CLIC5: variants seen among roughly 807,000 people sequenced by gnomAD.
CLIC5 encodes CLIC family member 5.
In CLIC5, 20 loss-of-function variants were observed where a neutral mutation model predicts 24.7. That is an observed-to-expected ratio of 0.81 (90% CI 0.57 to 1.18). The LOEUF (loss-of-function observed/expected upper bound fraction) is 1.18. CLIC5 is among the 50% of genes most tolerant of loss of function. The pLI is 0.00. For missense variants in CLIC5, 341 were observed against 326.1 expected (o/e 1.05, Z -0.35); for synonymous variants, 159 against 135.6 (o/e 1.17, Z -1.20).
At chr6:46,051,738 C>T (rs1768107828) in intron 1 of CLIC5, among the ~76,000 whole-genome samples, 1 of 152,164 alleles carries the variant, frequency 6.6e-6, no homozygotes, top group South Asian at 2.1e-4. Context: ...AATACCATCT[C>T]ATATATTTTA....
At chr6:45,970,720 T>A (rs1435045481) in intron 1 of CLIC5, among the ~76,000 whole-genome samples, 1 of 152,200 alleles carries the variant, frequency 6.6e-6, no homozygotes, top group Non-Finnish European at 1.5e-5. Flanking sequence ...CCACCCTGCT[T>A]TTCTGCCTGA....
At chr6:46,063,087 A>G (rs1362802398) in intron 1 of CLIC5, among the ~76,000 whole-genome samples, 1 of 152,258 alleles carries the variant, frequency 6.6e-6, no homozygotes, top group Non-Finnish European at 1.5e-5. Context: ...GAATGGAAAC[A>G]AGGGTCAGAA....
At position 46,065,362 on chromosome 6, in the gene CLIC5, A is replaced by T. The variant is rs528620300; in HGVS notation, c.540+14341T>A. On this transcript the variant is annotated intron_variant, in intron 1 of 5. Transcript: ENST00000185206. ...ATTTTCAAGGTTTTTTTTTTTTTTT[A>T]AAAAAAAGGTTAAACATTCACTAAC... Among the ~76,000 whole-genome samples, 791 of 143,652 alleles carry T rather than the reference A, an allele frequency of 5.5e-3. 9 individuals carry two copies. Among genetic ancestry groups the T allele is most frequent in the African/African-American group, 0.017 (621 of 35,866 alleles). The allele number at this position is 143,652 out of a possible 152,430, so 94.2% of individuals were successfully genotyped here.
chr6:46,069,654 A>T (rs893923121), intron 1 of CLIC5, among the ~76,000 whole-genome samples: 1 of 152,158 alleles, frequency 6.6e-6, no homozygotes, highest in Non-Finnish European at 1.5e-5. Flanking sequence ...TACAAAGAAG[A>T]GCTGGTACCA....
chr6:45,924,499 G>A (rs546413937), intron 4 of CLIC5, among the ~76,000 whole-genome samples: 1 of 152,234 alleles, frequency 6.6e-6, no homozygotes, highest in African/African-American at 2.4e-5. Context: ...CATGAGTCTT[G>A]CATCTCCTAA....
intron 4 of CLIC5, chr6:45,918,958 G>A: frequency 1.0e-6 from 1 of 985,404 alleles, no homozygotes; most frequent in Non-Finnish European, 1.2e-6. Context: ...GCTTATGCAA[G>A]CACACACATA....
At chr6:45,922,579 A>G (rs1763305274) in intron 4 of CLIC5, among the ~76,000 whole-genome samples, 3 of 152,210 alleles carry the variant, frequency 2.0e-5, no homozygotes, top group Non-Finnish European at 4.4e-5. Context: ...AAACACCAGC[A>G]TGGTAAACAT....
chr6:45,920,083 C>G, intron 4 of CLIC5: 1 of 804,074 alleles, frequency 1.2e-6, no homozygotes, highest in African/African-American at 1.8e-5. Flanking sequence ...ATTCCCCTGA[C>G]AAAAGAGGAT....
chr6:45,927,975 G>C (rs1763567375), intron 4 of CLIC5, among the ~76,000 whole-genome samples: 1 of 152,154 alleles, frequency 6.6e-6, no homozygotes, highest in South Asian at 2.1e-4. Flanking sequence ...GCTAACAAGA[G>C]GAATGAAAAG....
rs1762883511 is a variant in CLIC5 at position 46,080,051 on chromosome 6, A to T, written c.192T>A (p.Ile64=). 9 of 1,551,672 alleles carry T rather than the reference A, an allele frequency of 5.8e-6. No individual in the cohort carries two copies. Among genetic ancestry groups the T allele is most frequent in the Non-Finnish European group, 7.0e-6 (8 of 1,146,952 alleles). ...AGGCCAAGCTGGTCTCTTCACCCTTAATGGTATAGACTGACACAAAATCAT... is the reference window on the plus strand; with the variant it reads ...AGGCCAAGCTGGTCTCTTCACCCTTTATGGTATAGACTGACACAAAATCAT... Residue 64 remains isoleucine (I), a synonymous_variant, in exon 1 of 6, where the codon ATT becomes ATA. Coordinates refer to the CLIC5 transcript ENST00000185206.
intron 1 of CLIC5, among the ~76,000 whole-genome samples, chr6:45,986,401 G>A (rs931682450): frequency 6.6e-6 from 1 of 152,190 alleles, no homozygotes; most frequent in Non-Finnish European, 1.5e-5. Context: ...ATGATTAGCT[G>A]TGTGACCTCA....
At chr6:46,034,046 T>G (rs1264894254) in intron 1 of CLIC5, among the ~76,000 whole-genome samples, 1 of 152,246 alleles carries the variant, frequency 6.6e-6, no homozygotes, top group Non-Finnish European at 1.5e-5. Flanking sequence ...ACAAAGCTAC[T>G]ATTGGAAATG....
chr6:46,121,109 A>T, the CLIC5 span, among the ~76,000 whole-genome samples: 1 of 152,288 alleles, frequency 6.6e-6, no homozygotes, highest in East Asian at 1.9e-4. Flanking sequence ...CAAGAAGAAC[A>T]ACTCCGAGAC....
intron 1 of CLIC5, among the ~76,000 whole-genome samples, chr6:45,977,740 A>G (rs950375455): frequency 1.3e-5 from 2 of 152,158 alleles, no homozygotes; most frequent in African/African-American, 4.8e-5. Flanking sequence ...TCTTTTGGAC[A>G]GCATTATCTG....
At chr6:45,974,497 GTA>G (rs1554154071) in intron 1 of CLIC5, among the ~76,000 whole-genome samples, 1,016 of 76,086 alleles carry the variant, frequency 0.013, 6 homozygotes, top group East Asian at 0.019. Context: ...GTGTGTGTGT[GTA>G]TATATATATA....
chr6:46,125,401 G>A, the CLIC5 span, among the ~76,000 whole-genome samples: 3,525 of 152,148 alleles, frequency 0.023, 135 homozygotes, highest in African/African-American at 0.079. Context: ...CCAGGAAGGG[G>A]AACATCACAC....
chr6:45,929,487 C>T (rs2127348129), intron 4 of CLIC5, among the ~76,000 whole-genome samples: 1 of 152,316 alleles, frequency 6.6e-6, no homozygotes, highest in South Asian at 2.1e-4. Context: ...TTTAACCCAA[C>T]AAACCAACAA....
At chr6:45,920,291 G>A (rs1345224583) in intron 4 of CLIC5, 32 of 984,372 alleles carry the variant, frequency 3.3e-5, no homozygotes, top group Non-Finnish European at 3.7e-5. Context: ...CTGTACTAGG[G>A]GCCAGTGCTG....
At position 45,995,977 on chromosome 6, in the gene CLIC5, G is replaced by T. The variant is rs72856977; in HGVS notation, c.63+19503C>A. Among the ~76,000 whole-genome samples, 976 of 152,192 alleles carry T rather than the reference G, an allele frequency of 6.4e-3. 8 individuals are homozygous for T. Among genetic ancestry groups the T allele is most frequent in the Non-Finnish European group, 0.011 (755 of 68,006 alleles). ...ACTGGGGACTGTTGAGGGCTGGGGT[G>T]GGGGGAGAGAGAGCATTAGGAAAAA... On this transcript the variant is annotated intron_variant, in intron 1 of 5. Transcript: ENST00000339561.
Sources: gnomAD v4.1 joint callset for allele counts (sites outside exome capture counted in the v4.1 genomes callset) on GRCh38, gnomAD v4.1.1 for gene constraint, MANE v1.5 for transcripts, NCBI Gene and HGNC (gene_info 2026-07-23, HGNC 2026-07-21) for gene names.